The following SLC27A1 variants were observed in gnomAD, a reference collection of about 807,000 sequenced individuals.
SLC27A1 encodes solute carrier family 27 member 1.
Under a neutral mutation model 62.2 loss-of-function variants are expected in SLC27A1, and 61 were observed. That is an observed-to-expected ratio of 0.98 (90% CI 0.80 to 1.21). The LOEUF (loss-of-function observed/expected upper bound fraction) is 1.21. SLC27A1 is among the 50% of genes most tolerant of loss of function. The pLI is 0.00. For missense variants in SLC27A1, 903 were observed against 932.1 expected (o/e 0.97, Z 0.41); for synonymous variants, 435 against 408.6 (o/e 1.06, Z -0.78).
At chr19:17,488,364 A>G (rs1568416834) in intron 4 of SLC27A1, among the ~76,000 whole-genome samples, 1 of 152,180 alleles carries the variant, frequency 6.6e-6, no homozygotes, top group Non-Finnish European at 1.5e-5. Context: ...TCTCAAAAAA[A>G]GAAACAAATA....
At chr19:17,495,282 C>CTT (rs1568420939) in intron 6 of SLC27A1, 4 of 81,932 alleles carry the variant, frequency 4.9e-5, no homozygotes, top group African/African-American at 2.1e-4. Context: ...GCCATGTGCC[C>CTT]ATTTTTTTTT....
chr19:17,487,492 A>T lies in SLC27A1; in HGVS notation c.757A>T (p.Thr253Ser). 1 of 1,601,676 alleles carries T rather than the reference A, an allele frequency of 6.2e-7. No individual in the cohort carries two copies. Among genetic ancestry groups the T allele is most frequent in the Non-Finnish European group, 8.5e-7 (1 of 1,177,026 alleles). Reference protein sequence around the residue: ...RLFYIYTSGTTGLPKAAIVVH... With the variant: ...RLFYIYTSGTSGLPKAAIVVH... ...TTTCTACATCTACACGTCGGGGACC[A>T]CCGGGCTGCCCAAGGCTGCCATTGT... The change falls in exon 4 of 12, where the codon ACC becomes TCC. Residue 253 changes from threonine (T) to serine (S), a missense_variant. Physicochemically the swap from Thr to Ser is moderately conservative, Grantham distance 58. Coordinates refer to ENST00000252595, the MANE Select transcript of SLC27A1 (RefSeq NM_198580.3).
rs1460430724 is a variant in SLC27A1, at chr19:17,480,928, C to CT, written c.168-5621dup. Among the ~76,000 whole-genome samples the CT allele has an allele frequency of 2.1e-3, 305 of 142,236 alleles. 3 individuals carry two copies. The highest frequency in any genetic ancestry group is 7.3e-3 in the Middle Eastern group (2 of 274). The allele number at this position is 142,236 out of a possible 152,430, so 93.3% of individuals were successfully genotyped here. On this transcript the variant is annotated intron_variant, in intron 1 of 11. Coordinates refer to ENST00000252595, the MANE Select transcript of SLC27A1 (RefSeq NM_198580.3). Reference sequence around the variant, plus strand: ...TAACGAAAACGTGGTATTTGGATTTCTTTTTTTTTTTTTTGAGATGGAGTT... The same window carrying CT: ...TAACGAAAACGTGGTATTTGGATTTCTTTTTTTTTTTTTTTGAGATGGAGTT...
At chr19:17,472,161 G>A (rs779175224) in intron 1 of SLC27A1, among the ~76,000 whole-genome samples, 8 of 152,122 alleles carry the variant, frequency 5.3e-5, no homozygotes, top group Non-Finnish European at 8.8e-5. Context: ...TTGGGAGGCC[G>A]AGGCAGGCAG....
rs2075453208 is a variant in SLC27A1, at chr19:17,504,448, A to G, written c.1784-7A>G. On this transcript the variant is annotated splice_region_variant and splice_polypyrimidine_tract_variant and intron_variant, in intron 11 of 11. Coordinates refer to ENST00000252595, the MANE Select transcript of SLC27A1 (RefSeq NM_198580.3). Reference sequence around the variant, plus strand: ...CAGCCCTTATCTGCCCCCCATCCCCACTATAGGCACCTTCAAGATCCAGAA... The same window carrying G: ...CAGCCCTTATCTGCCCCCCATCCCCGCTATAGGCACCTTCAAGATCCAGAA... 1.9e-6 allele frequency: 3 copies of G among 1,613,838 alleles called. No homozygotes were observed. Among genetic ancestry groups the G allele is most frequent in the Admixed American group, 3.3e-5 (2 of 59,972 alleles).
Position 17,500,516 on chromosome 19 carries a change from G to A in SLC27A1, c.1355G>A (p.Gly452Asp). The A allele has an allele frequency of 6.2e-7, 1 of 1,613,616 alleles. No homozygotes were observed. The highest frequency in any genetic ancestry group is 8.5e-7 in the Non-Finnish European group (1 of 1,179,848). Reference sequence around the variant, plus strand: ...CTAGGGGAGCCTGGCCTCCTTGTGGGTCAGATCAACCAACAGGACCCGCTG... The same window carrying A: ...CTAGGGGAGCCTGGCCTCCTTGTGGATCAGATCAACCAACAGGACCCGCTG... ...CQAGEPGLLVGQINQQDPLRR... is the reference protein window; with the variant it reads ...CQAGEPGLLVDQINQQDPLRR... The change falls in exon 9 of 12, where the codon GGT becomes GAT. Residue 452 changes from glycine (G) to aspartate (D), a missense_variant. Coordinates refer to ENST00000252595, the MANE Select transcript of SLC27A1 (RefSeq NM_198580.3).
intron 11 of SLC27A1, chr19:17,503,660 G>C (rs556388748): frequency 6.6e-6 from 1 of 151,886 alleles, no homozygotes; most frequent in African/African-American, 2.4e-5. Context: ...GGCCGGGTGC[G>C]GTGGCTCACG....
At chr19:17,500,148 G>C (rs970243342) in intron 7 of SLC27A1, 130 bp from the exon 8 acceptor site, 2 of 1,438,640 alleles carry the variant, frequency 1.4e-6, no homozygotes, top group Non-Finnish European at 1.9e-6. Flanking sequence ...TTGCAGATCA[G>C]CCAAGGTCAC....
At position 17,500,837 on chromosome 19, in the gene SLC27A1, G is replaced by A. The variant is rs1231488213; in HGVS notation, c.1597G>A (p.Gly533Ser). The change falls in exon 10 of 12, where the codon GGC becomes AGC. Residue 533 changes from glycine to serine, a missense_variant. Physicochemically the swap from Gly to Ser is moderately conservative, Grantham distance 56 (BLOSUM62 0). Coordinates refer to ENST00000252595, the MANE Select transcript of SLC27A1 (RefSeq NM_198580.3). Reference sequence around the variant, plus strand: ...GGAGGGCGTGCTGAGCCGCCTGCTGGGCCAGACAGACGTGGCCGTCTATGG... The same window carrying A: ...GGAGGGCGTGCTGAGCCGCCTGCTGAGCCAGACAGACGTGGCCGTCTATGG... ...EVEGVLSRLL[G>S]QTDVAVYGVA... 2 of 1,611,062 alleles carry A rather than the reference G, an allele frequency of 1.2e-6. No individual in the cohort carries two copies. The highest frequency in any genetic ancestry group is 2.7e-5 in the African/African-American group (2 of 74,816).
chr19:17,487,194 C>A lies in SLC27A1; in HGVS notation c.583C>A (p.His195Asn). The A allele has an allele frequency of 2.5e-6, 4 of 1,614,098 alleles. No individual in the cohort carries two copies. Among genetic ancestry groups the A allele is most frequent in the Non-Finnish European group, 1.7e-6 (2 of 1,180,002 alleles). The change falls in exon 3 of 12, where the codon CAT (histidine) becomes AAT (asparagine). Residue 195 changes from histidine to asparagine, a missense_variant. Transcript: ENST00000252595. ...CACAGCGGTGGCCGAAGTGAGCGGG[C>A]ATCTGGGGAAAAGTTTGATCAAGTT... ...MVAAVAEVSG[H>N]LGKSLIKFCS...
chr19:17,494,669 C>G (rs1251743366), intron 6 of SLC27A1, among the ~76,000 whole-genome samples: 1 of 152,054 alleles, frequency 6.6e-6, no homozygotes, highest in Non-Finnish European at 1.5e-5. Context: ...GCATCCCCTG[C>G]TGCAAGCTTC....
At chr19:17,472,781 C>T (rs544010360) in intron 1 of SLC27A1, among the ~76,000 whole-genome samples, 1 of 152,206 alleles carries the variant, frequency 6.6e-6, no homozygotes, top group East Asian at 1.9e-4. Context: ...CCTGCCTTGG[C>T]CTCCTAAAGT....
chr19:17,472,469 C>T (rs991194965), intron 1 of SLC27A1, among the ~76,000 whole-genome samples: 11 of 151,980 alleles, frequency 7.2e-5, no homozygotes, highest in Non-Finnish European at 1.3e-4. Flanking sequence ...CTGACCATGT[C>T]CCAGCCTCCG....
chr19:17,505,019 G>A lies in SLC27A1; in HGVS notation c.*407G>A. 2 of 365,268 alleles carry A rather than the reference G, an allele frequency of 5.5e-6. No homozygotes were observed. The highest frequency in any genetic ancestry group is 7.2e-5 in the East Asian group (1 of 13,834). 22.6% of individuals were successfully genotyped at this position (365,268 alleles called of 1,614,324 possible). ...AGTGATCCTCCCACCTCAGCCTCCT[G>A]AGTAGCTGGGATTACAGGCACCCGC... On this transcript the variant is annotated 3_prime_UTR_variant, in exon 12 of 12. Transcript: ENST00000252595.
At chr19:17,478,952 C>T (rs887960176) in intron 1 of SLC27A1, among the ~76,000 whole-genome samples, 9 of 152,094 alleles carry the variant, frequency 5.9e-5, no homozygotes, top group African/African-American at 1.4e-4. Context: ...TTCACCTCTC[C>T]ACATGTGTTT....
intron 6 of SLC27A1, among the ~76,000 whole-genome samples, chr19:17,492,632 A>AAAG (rs1568419438): frequency 6.7e-6 from 1 of 149,704 alleles, no homozygotes; most frequent in African/African-American, 2.5e-5. Context: ...AAAAAAAAAA[A>AAAG]AAAGAAAAAG....
intron 6 of SLC27A1, chr19:17,490,134 T>A (rs2075280392): frequency 6.6e-6 from 1 of 152,096 alleles, no homozygotes; most frequent in South Asian, 2.1e-4. Flanking sequence ...CATGTTGAAA[T>A]GCAAAAGTAT....
At position 17,504,634 on chromosome 19, in the gene SLC27A1, A is replaced by T. The variant is rs781162579; in HGVS notation, c.*22A>T. 2 of 1,613,816 alleles carry T rather than the reference A, an allele frequency of 1.2e-6. No homozygotes were observed. Among genetic ancestry groups the T allele is most frequent in the Non-Finnish European group, 8.5e-7 (1 of 1,179,924 alleles). Reference sequence around the variant, plus strand: ...CTGAAGCTGTTCCTCTACTGGCCACAAACTCTGGGCCTGGTGGGAGAGGCC... The same window carrying T: ...CTGAAGCTGTTCCTCTACTGGCCACTAACTCTGGGCCTGGTGGGAGAGGCC... On this transcript the variant is annotated 3_prime_UTR_variant, in exon 12 of 12. Transcript: ENST00000252595.
chr19:17,495,083 C>T (rs1210194447), intron 6 of SLC27A1, among the ~76,000 whole-genome samples: 1 of 151,886 alleles, frequency 6.6e-6, no homozygotes, highest in Admixed American at 6.6e-5. Context: ...AGAGATTCTC[C>T]TGCCTCAGCC....
Sources: gnomAD v4.1 joint callset for allele counts (sites outside exome capture counted in the v4.1 genomes callset) on GRCh38, gnomAD v4.1.1 for gene constraint, MANE v1.5 for transcripts, NCBI Gene and HGNC (gene_info 2026-07-23, HGNC 2026-07-21) for gene names.